SEMA5B: variants seen among roughly 807,000 people sequenced by gnomAD.
SEMA5B encodes semaphorin-5B.
Under a neutral mutation model 135.0 loss-of-function variants are expected in SEMA5B, and 66 were observed. That is an observed-to-expected ratio of 0.49 (90% CI 0.40 to 0.60). The LOEUF (loss-of-function observed/expected upper bound fraction) is 0.60, where lower values mean the gene tolerates loss of function less well. Ranked by LOEUF, SEMA5B falls within the 20% of genes least tolerant of loss-of-function variation. The pLI, the probability that SEMA5B is intolerant of heterozygous loss-of-function variation, is 0.00. For missense variants in SEMA5B, 1,501 were observed against 1,566.3 expected, an observed-to-expected ratio of 0.96 and a Z score of 0.70; for synonymous variants, 690 against 639.5, an observed-to-expected ratio of 1.08 and a Z score of -1.19.
chr3:123,011,611 C>T (rs1402145781), intron 1 of SEMA5B, among the ~76,000 whole-genome samples: 1 of 152,216 alleles, frequency 6.6e-6, no homozygotes, highest in Non-Finnish European at 1.5e-5. Context: ...CACACATGCA[C>T]AGAGCTTGCA....
At chr3:122,984,841 C>G (rs550412021) in intron 1 of SEMA5B, among the ~76,000 whole-genome samples, 109 of 152,166 alleles carry the variant, frequency 7.2e-4, no homozygotes, top group South Asian at 1.2e-3. Context: ...AGGCAATTCC[C>G]CAGGGACACA....
At position 122,922,086 on chromosome 3, in the gene SEMA5B, C is replaced by G; in HGVS notation, c.1517G>C (p.Ser506Thr). 3 of 1,492,986 alleles carry G rather than the reference C, an allele frequency of 2.0e-6. No individual in the cohort carries two copies. Among genetic ancestry groups the G allele is most frequent in the Non-Finnish European group, 2.7e-6 (3 of 1,118,960 alleles). The allele number at this position is 1,492,986 out of a possible 1,614,324, so 92.5% of individuals were successfully genotyped here. A position where few individuals can be genotyped will look rare whatever the true frequency, so the allele number is the denominator to read the frequency against. ...GTILKALSTA[S>T]RSLHGCYLEE... ...CAGGTAGCAGCCGTGGAGGCTGCGG[C>G]TCGCCGTGGACAGCGCCTTCAGGAT... The change falls in exon 12 of 23, where the codon AGC becomes ACC. Residue 506 changes from serine to threonine, a missense_variant. Physicochemically the swap from Ser to Thr is moderately conservative, Grantham distance 58. This residue lies in a region of SEMA5B where 574 missense variants were observed against 684.7 expected (regional missense o/e 0.84). Transcript: ENST00000357599.
chr3:122,947,951 A>G (rs1474447479), intron 3 of SEMA5B, among the ~76,000 whole-genome samples: 2 of 152,108 alleles, frequency 1.3e-5, no homozygotes, highest in African/African-American at 4.8e-5. Context: ...AGAAACTCTT[A>G]TCAAGAATTT....
chr3:122,976,143 C>T, intron 1 of SEMA5B: 1 of 1,535,038 alleles, frequency 6.5e-7, no homozygotes, highest in Non-Finnish European at 8.7e-7. Context: ...ACACTCTCAT[C>T]ACTTCCTCAC....
Position 122,927,965 on chromosome 3 carries a change from A to T in SEMA5B, c.675T>A (p.Gly225=). ...NLSRTIEKIN[G]VARCPYDPRH... is the part of the protein sequence containing the mutation. ...GTGGGTCATAGGGGCAGCGGGCCAC[A>T]CCATTGATCTTCTCAATAGTCCGGC... is the stretch of plus-strand genomic sequence containing the variant. Residue 225 remains glycine, a synonymous_variant, in exon 8 of 23, where the codon GGT becomes GGA. Transcript: ENST00000357599. The T allele has an allele frequency of 1.3e-6, 2 of 1,539,866 alleles. No homozygotes were observed. The highest frequency in any genetic ancestry group is 1.8e-6 in the Non-Finnish European group (2 of 1,141,064).
In SEMA5B at chr3:122,909,491, T is replaced by G. The variant is rs1300757896; in HGVS notation, c.*652A>C. On this transcript the variant is annotated 3_prime_UTR_variant, in exon 23 of 23. Transcript: ENST00000357599. ...GGCTGAGGCCTGTACCAGCCCAGAT[T>G]AAAGGACTTCTAAGCACAGGTCAGC... 6.5e-6 allele frequency: 1 copy of G among 152,790 alleles called. No individual in the cohort carries two copies. The highest frequency in any genetic ancestry group is 1.5e-5 in the Non-Finnish European group (1 of 68,166). The allele number at this position is 152,790 out of a possible 1,614,324, so 9.5% of individuals were successfully genotyped here.
chr3:122,984,327 G>A (rs1355989732), intron 1 of SEMA5B, among the ~76,000 whole-genome samples: 1 of 152,218 alleles, frequency 6.6e-6, no homozygotes, highest in African/African-American at 2.4e-5. Context: ...CAAAGTGTTT[G>A]GAGGTCCTCC....
chr3:122,997,437 A>C (rs907493269), intron 1 of SEMA5B, among the ~76,000 whole-genome samples: 11 of 151,794 alleles, frequency 7.2e-5, no homozygotes, highest in Non-Finnish European at 1.3e-4. Flanking sequence ...CTGAGGTCAG[A>C]GCTGATGGGG....
intron 14 of SEMA5B, among the ~76,000 whole-genome samples, 174 bp from the exon 15 acceptor site, chr3:122,914,175 C>T (rs1359058563): frequency 6.6e-6 from 1 of 152,252 alleles, no homozygotes; most frequent in African/African-American, 2.4e-5. Flanking sequence ...TCCATCCGTT[C>T]ATTTATTCCT....
rs537398342 is a variant in SEMA5B, at chr3:122,929,146, G to A, written c.475-88C>T. On this transcript the variant is annotated intron_variant, in intron 5 of 22. Coordinates refer to ENST00000357599, the MANE Select transcript of SEMA5B (RefSeq NM_001031702.4). ...GGCAGAGCAGGCAGCAGCCAGTGTC[G>A]GGAGTGGACATGAAGCTGTGAAGGA... 57 of 1,299,136 alleles carry A rather than the reference G, an allele frequency of 4.4e-5. 1 individual carries two copies. In the African/African-American group the frequency reaches 5.4e-4, roughly 12 times the overall value. 80.5% of individuals were successfully genotyped at this position (1,299,136 alleles called of 1,614,324 possible). A position where few individuals can be genotyped will look rare whatever the true frequency, so the allele number is the denominator to read the frequency against.
At chr3:122,967,334 T>C (rs533334014) in intron 1 of SEMA5B, among the ~76,000 whole-genome samples, 2 of 152,346 alleles carry the variant, frequency 1.3e-5, no homozygotes, top group South Asian at 4.1e-4. Flanking sequence ...ACACGACTTC[T>C]AAACTATCTT....
intron 2 of SEMA5B, among the ~76,000 whole-genome samples, chr3:122,954,689 G>A (rs1940202610): frequency 6.6e-6 from 1 of 152,296 alleles, no homozygotes; most frequent in East Asian, 1.9e-4. Context: ...ATCTGCAGCT[G>A]GTAAGTGACC....
intron 9 of SEMA5B, among the ~76,000 whole-genome samples, chr3:122,924,826 C>T (rs1232888487): frequency 6.6e-6 from 1 of 152,168 alleles, no homozygotes; most frequent in Non-Finnish European, 1.5e-5. Context: ...GAAGCTTTCC[C>T]TGATCACCAC....
At chr3:122,963,501 AAAAG>A (rs529995571) in intron 1 of SEMA5B, among the ~76,000 whole-genome samples, 7,440 of 135,056 alleles carry the variant, frequency 0.055, 632 homozygotes, top group African/African-American at 0.2. Context: ...TCAAAAAAAA[AAAAG>A]AAAAAGAAAA....
intron 2 of SEMA5B, among the ~76,000 whole-genome samples, chr3:122,953,272 C>T (rs1158758736): frequency 2.6e-5 from 4 of 152,126 alleles, no homozygotes; most frequent in Admixed American, 6.5e-5. Context: ...GCCTCCCCGC[C>T]CCAGGTCTGA....
upstream of SEMA5B, chr3:123,027,932 C>G (rs1167213243): frequency 6.6e-6 from 1 of 152,050 alleles, no homozygotes; most frequent in Non-Finnish European, 1.5e-5. Flanking sequence ...CGCGAGGGGG[C>G]GCCCTGCATC....
intron 3 of SEMA5B, among the ~76,000 whole-genome samples, chr3:122,947,811 G>A (rs1193086620): frequency 6.6e-6 from 1 of 152,156 alleles, no homozygotes; most frequent in Admixed American, 6.5e-5. Context: ...GGTGGTTCAA[G>A]AAGTACTAAT....
chr3:122,924,196 A>G (rs2107644898), intron 9 of SEMA5B, among the ~76,000 whole-genome samples: 1 of 152,306 alleles, frequency 6.6e-6, no homozygotes, highest in East Asian at 1.9e-4. Context: ...ACAAAAGCTG[A>G]TTACCAAACC....
chr3:122,912,445 ACCTCAACAT>A, intron 18 of SEMA5B, 103 bp from the exon 19 acceptor site: 1 of 1,105,252 alleles, frequency 9.0e-7, no homozygotes, highest in Admixed American at 3.1e-5. Flanking sequence ...AGCCACAGTG[ACCTCAACAT>A]CCACCCGATC....
Sources: gnomAD v4.1 joint callset for allele counts (sites outside exome capture counted in the v4.1 genomes callset) on GRCh38, gnomAD v4.1.1 for gene constraint, gnomAD v4.1.1 regional missense constraint, MANE v1.5 for transcripts, NCBI Gene and HGNC (gene_info 2026-07-23, HGNC 2026-07-21) for gene names.